Variants in FAM133B observed in about 807,000 individuals in gnomAD.
FAM133B encodes family with sequence similarity 133 member B.
A neutral mutation model predicts 46.4 loss-of-function variants in FAM133B; 25 were observed. The ratio of observed to expected loss-of-function variants is 0.54; its 90% CI spans 0.39 to 0.75. FAM133B has a LOEUF of 0.75. Ranked by LOEUF, FAM133B falls within the 30% of genes least tolerant of loss-of-function variation. The pLI is 0.00. For synonymous variants in FAM133B, 75 were observed against 86.0 expected, an observed-to-expected ratio of 0.87 and a Z score of 0.71; for missense variants, 205 against 277.6, an observed-to-expected ratio of 0.74 and a Z score of 1.86.
chr7:92,590,060 G>A (rs967090039), intron 1 of FAM133B: 4 of 633,980 alleles, frequency 6.3e-6, no homozygotes, highest in South Asian at 4.0e-5. Flanking sequence ...AAGAAAAAAG[G>A]GGCGGGCAAG....
intron 1 of FAM133B, among the ~76,000 whole-genome samples, chr7:92,586,700 G>A (rs1380663792): frequency 6.6e-6 from 1 of 152,138 alleles, no homozygotes; most frequent in African/African-American, 2.4e-5. Flanking sequence ...ATGTATGGGG[G>A]CAGGTACAAA....
rs1794175124 is a variant in FAM133B, at chr7:92,562,106, A to G, written c.*176T>C. The G allele has an allele frequency of 1.7e-6, 1 of 576,494 alleles. No individual in the cohort carries two copies. Among genetic ancestry groups the G allele is most frequent in the East Asian group, 3.1e-5 (1 of 31,850 alleles). The allele number at this position is 576,494 out of a possible 1,614,324, so 35.7% of individuals were successfully genotyped here. ...AGAAAAAAATAGATGTTCAAGCAGC[A>G]GGCAACATTTATGGCCCTTTCACAC... On this transcript the variant is annotated 3_prime_UTR_variant, in exon 11 of 11. Coordinates refer to ENST00000445716, the MANE Select transcript of FAM133B (RefSeq NM_152789.4).
Position 92,577,105 on chromosome 7 carries a change from T to G in FAM133B, c.463A>C (p.Lys155Gln), listed in dbSNP as rs762904366. 6.9e-7 allele frequency: 1 copy of G among 1,452,786 alleles called. No homozygotes were observed. The highest frequency in any genetic ancestry group is 9.1e-7 in the Non-Finnish European group (1 of 1,095,792). 90.0% of individuals were successfully genotyped at this position (1,452,786 alleles called of 1,614,324 possible). A position where few individuals can be genotyped will look rare whatever the true frequency, so the allele number is the denominator to read the frequency against. The change falls in exon 7 of 11, where the codon AAG (lysine) becomes CAG (glutamine). Residue 155 changes from lysine (K) to glutamine (Q), a missense_variant and splice_region_variant. Physicochemically the swap from Lys to Gln is moderately conservative, Grantham distance 53. Coordinates refer to ENST00000445716, the MANE Select transcript of FAM133B (RefSeq NM_152789.4). ...SSMSETESDS[K>Q]DSLKKKKKSK... ...TATTAATAATTTAAATAATTTACCT[T>G]ACTGTCTGATTCAGTTTCTGACATG... is the stretch of plus-strand genomic sequence containing the variant.
intron 1 of FAM133B, among the ~76,000 whole-genome samples, chr7:92,587,976 A>T (rs1795084772): frequency 6.7e-6 from 1 of 148,594 alleles, no homozygotes; most frequent in African/African-American, 2.5e-5. Flanking sequence ...AAAAATGCTT[A>T]AAAAAAAAAG....
intron 9 of FAM133B, 110 bp downstream of exon 9, chr7:92,569,713 T>C: frequency 1.9e-6 from 1 of 539,656 alleles, no homozygotes; most frequent in Non-Finnish European, 3.1e-6. Flanking sequence ...TTTTTCATAC[T>C]AGAAAGGTGA....
intron 10 of FAM133B, chr7:92,565,380 T>TC (rs1353525805): frequency 1.3e-5 from 2 of 151,262 alleles, no homozygotes; most frequent in Non-Finnish European, 2.9e-5. Context: ...GGTCTTGAAC[T>TC]CCTGACCTTG....
chr7:92,569,666 C>A (rs1184010160), intron 9 of FAM133B, 157 bp downstream of exon 9: 2 of 387,260 alleles, frequency 5.2e-6, no homozygotes, highest in Admixed American at 4.7e-5. Flanking sequence ...TGGAAAAAAG[C>A]AAAACTCATT....
intron 10 of FAM133B, among the ~76,000 whole-genome samples, chr7:92,564,594 A>G (rs544674769): frequency 6.6e-6 from 1 of 152,346 alleles, no homozygotes; most frequent in African/African-American, 2.4e-5. Context: ...TTATTTCTGA[A>G]TCATTACTAG....
chr7:92,581,559 G>T lies in FAM133B; in HGVS notation c.69C>A (p.Ile23=). 2 of 1,613,906 alleles carry T rather than the reference G, an allele frequency of 1.2e-6. No homozygotes were observed. Among genetic ancestry groups the T allele is most frequent in the Non-Finnish European group, 1.7e-6 (2 of 1,179,828 alleles). The part of the protein sequence containing the change: ...PIAMARSRGP[I]QSSGPTIQDY... ...CCTGTATTGTTGGCCCTGAAGACTG[G>T]ATTGGACCCCTTGATCTCGCCATTG... Residue 23 remains isoleucine, a synonymous_variant, in exon 2 of 11, where the codon ATC becomes ATA. Coordinates refer to ENST00000445716, the MANE Select transcript of FAM133B (RefSeq NM_152789.4).
At chr7:92,589,940 G>C (rs535879544) in intron 1 of FAM133B, 1 of 444,542 alleles carries the variant, frequency 2.2e-6, no homozygotes, top group African/African-American at 2.1e-5. Context: ...GCGGGGCCAG[G>C]TGTGGGGGGG....
intron 1 of FAM133B, among the ~76,000 whole-genome samples, chr7:92,586,209 A>G (rs1453263705): frequency 1.3e-5 from 2 of 152,208 alleles, no homozygotes; most frequent in African/African-American, 4.8e-5. Context: ...TTGACCACAA[A>G]CACTATCTCA....
rs1472958909 is a variant in FAM133B at position 92,577,914 on chromosome 7, G to A, written c.310-197C>T. 6.0e-5 allele frequency: 39 copies of A among 647,902 alleles called. No homozygotes were observed. In the South Asian group the frequency reaches 7.5e-4, roughly 12 times the overall value. The allele number at this position is 647,902 out of a possible 1,614,324, so 40.1% of individuals were successfully genotyped here. A position where few individuals can be genotyped will look rare whatever the true frequency, so the allele number is the denominator to read the frequency against. ...CAACAAGTTAACATATGTGGCCATG[G>A]TCACCAATCTTTCTCTTTAAATAGC... is the stretch of plus-strand genomic sequence containing the variant. On this transcript the variant is annotated intron_variant, in intron 5 of 10. Coordinates refer to ENST00000445716, the MANE Select transcript of FAM133B (RefSeq NM_152789.4).
intron 9 of FAM133B, chr7:92,569,462 T>G (rs955298496): frequency 6.5e-6 from 1 of 154,406 alleles, no homozygotes; most frequent in Non-Finnish European, 1.4e-5. Flanking sequence ...TAAACTGAGA[T>G]AGTATATGCA....
chr7:92,590,056 A>C (rs1795151903), intron 1 of FAM133B: 1 of 633,854 alleles, frequency 1.6e-6, no homozygotes, highest in Admixed American at 3.0e-5. Context: ...AGGGAAGAAA[A>C]AAGGGGCGGG....
intron 5 of FAM133B, 64 bp downstream of exon 5, chr7:92,578,086 T>C: frequency 7.0e-7 from 1 of 1,419,450 alleles, no homozygotes; most frequent in Non-Finnish European, 9.8e-7. Context: ...TTAAACAAAT[T>C]ATTCTTACTT....
chr7:92,572,334 C>T (rs1179225911), intron 8 of FAM133B, among the ~76,000 whole-genome samples: 1 of 152,206 alleles, frequency 6.6e-6, no homozygotes, highest in African/African-American at 2.4e-5. Flanking sequence ...TGCAAAATAA[C>T]AAGCACTTGG....
intron 7 of FAM133B, among the ~76,000 whole-genome samples, chr7:92,576,350 CATT>C (rs1225066568): frequency 6.6e-6 from 1 of 151,284 alleles, no homozygotes; most frequent in Admixed American, 6.6e-5. Flanking sequence ...TGTTAGCTAT[CATT>C]ATCATGAGAC....
intron 1 of FAM133B, among the ~76,000 whole-genome samples, chr7:92,588,396 G>A (rs1158129608): frequency 1.3e-5 from 2 of 152,164 alleles, no homozygotes; most frequent in Admixed American, 1.3e-4. Flanking sequence ...GGTATTAGAA[G>A]AGCCCAAAAT....
rs552006219 is a variant in FAM133B, at chr7:92,578,408, T to C, written c.202-15A>G. 2.2e-5 allele frequency: 36 copies of C among 1,608,818 alleles called. No individual in the cohort carries two copies. The Admixed American group carries it at 4.2e-4, about 19-fold the overall frequency. Reference sequence around the variant, plus strand: ...TTCTTCCAGTTCTGCAAAAAGGTTATGAACACCATCAGAGACTATCTAACC... The same window carrying C: ...TTCTTCCAGTTCTGCAAAAAGGTTACGAACACCATCAGAGACTATCTAACC... On this transcript the variant is annotated splice_polypyrimidine_tract_variant and intron_variant, in intron 3 of 10. Transcript: ENST00000445716.
Sources: allele counts gnomAD v4.1 joint callset (sites outside exome capture counted in the v4.1 genomes callset), GRCh38; gene constraint gnomAD v4.1.1; transcripts MANE v1.5; gene names NCBI Gene and HGNC (gene_info 2026-07-23, HGNC 2026-07-21).